The following FCRL5 variants were observed in gnomAD, a reference collection of about 807,000 sequenced individuals.
FCRL5 encodes the protein Fc receptor-like protein 5.
FCRL5 carries 79 observed loss-of-function variants against 92.1 expected under a neutral mutation model. The ratio of observed to expected loss-of-function variants is 0.86; its 90% CI spans 0.72 to 1.03. FCRL5 has a LOEUF of 1.03. Ranked by LOEUF, FCRL5 falls within the 50% of genes least tolerant of loss-of-function variation. FCRL5 has a pLI of 0.00. For missense variants in FCRL5, 1,160 were observed against 1,181.1 expected (o/e 0.98, Z 0.26); for synonymous variants, 466 against 469.3 (o/e 0.99, Z 0.09).
chr1:157,517,049 G>A (rs187751526), intron 15 of FCRL5, among the ~76,000 whole-genome samples: 5 of 152,330 alleles, frequency 3.3e-5, no homozygotes, highest in Admixed American at 3.3e-4. Context: ...GAAGCACACT[G>A]GCTAAAATCA....
At chr1:157,544,719 T>C (rs913953606) in intron 4 of FCRL5, 112 bp downstream of exon 4, 3 of 1,465,854 alleles carry the variant, frequency 2.0e-6, no homozygotes, top group African/African-American at 2.8e-5. Context: ...TGCAGGAATG[T>C]GTCCTGTGGT....
chr1:157,538,450 C>CT (rs1491349435), intron 7 of FCRL5, among the ~76,000 whole-genome samples: 1 of 152,126 alleles, frequency 6.6e-6, no homozygotes, highest in African/African-American at 2.4e-5. Flanking sequence ...CAAAGGAAAC[C>CT]TTTTTGATGT....
Position 157,527,792 on chromosome 1 carries a change from T to G in FCRL5, c.1785A>C (p.Pro595=), listed in dbSNP as rs767601836. Residue 595 remains proline, a synonymous_variant, in exon 9 of 17, where the codon CCA becomes CCC. Coordinates refer to ENST00000361835, the MANE Select transcript of FCRL5 (RefSeq NM_031281.3). ...LHCEAPRGSP[P]ILYWFYHEDV... Reference sequence around the variant, plus strand: ...CCTCATGATAAAACCAGTACAGGATTGGGGGAGAGCCTCTCGGGGCCTCAC... The same window carrying G: ...CCTCATGATAAAACCAGTACAGGATGGGGGGAGAGCCTCTCGGGGCCTCAC... 1 of 1,613,934 alleles carries G rather than the reference T, an allele frequency of 6.2e-7. No individual in the cohort carries two copies. The highest frequency in any genetic ancestry group is 8.5e-7 in the Non-Finnish European group (1 of 1,179,922).
intron 8 of FCRL5, among the ~76,000 whole-genome samples, chr1:157,531,043 CTT>C (rs886440218): frequency 2.0e-5 from 3 of 152,068 alleles, no homozygotes; most frequent in Non-Finnish European, 4.4e-5. Flanking sequence ...AAAAAGACAA[CTT>C]ATAGAATGGG....
rs750701176 is a variant in FCRL5, at chr1:157,519,753, C to G, written c.2650G>C (p.Asp884His). 2 of 1,614,030 alleles carry G rather than the reference C, an allele frequency of 1.2e-6. No homozygotes were observed. The highest frequency in any genetic ancestry group is 2.7e-5 in the African/African-American group (2 of 75,030). Residue 884 changes from aspartate to histidine, a missense_variant, in exon 13 of 17, where the codon GAC becomes CAC. Coordinates refer to ENST00000361835, the MANE Select transcript of FCRL5 (RefSeq NM_031281.3). The stretch of plus-strand genomic sequence containing the variant: ...CAGCTCAGCTCTTACCTGGCGGGGT[C>G]AGAGGCAGGCTTTCTCCCTGTAAAG... ...SRKAGRKPAS[D>H]PARSPSDSDS...
chr1:157,528,007 A>G (rs2101611375), intron 8 of FCRL5, 112 bp from the exon 9 acceptor site: 7 of 1,242,602 alleles, frequency 5.6e-6, no homozygotes, highest in Non-Finnish European at 7.6e-6. Flanking sequence ...CCAAATTGGT[A>G]AAGAGGAAGA....
intron 10 of FCRL5, chr1:157,523,895 G>C (rs1412330): frequency 0.77 from 222,808 of 288,440 alleles, 90,267 homozygotes; most frequent in South Asian, 0.86. Flanking sequence ...GTAGAGGCTT[G>C]TTAGAAGTCA....
At chr1:157,550,336 TATG>T in intron 1 of FCRL5, among the ~76,000 whole-genome samples, 1 of 152,222 alleles carries the variant, frequency 6.6e-6, no homozygotes, top group Non-Finnish European at 1.5e-5. Flanking sequence ...AATGGGACAA[TATG>T]AAGCAGGGAG....
intron 10 of FCRL5, chr1:157,522,601 A>C (rs1650249621): frequency 6.6e-6 from 1 of 152,236 alleles, no homozygotes; most frequent in Admixed American, 6.5e-5. Context: ...GTGAGTGTTG[A>C]TGATGATGAC....
chr1:157,520,677 G>T (rs1323871198), intron 11 of FCRL5, 130 bp from the exon 12 acceptor site: 45 of 670,344 alleles, frequency 6.7e-5, no homozygotes, highest in Admixed American at 1.7e-4. Context: ...GCAGGGGCTG[G>T]TGTGGCACAG....
intron 6 of FCRL5, 143 bp from the exon 7 acceptor site, chr1:157,539,507 T>C (rs1163897427): frequency 1.4e-6 from 1 of 715,938 alleles, no homozygotes; most frequent in Admixed American, 3.1e-5. Context: ...AACCTGCTTT[T>C]TATTTTATTC....
At chr1:157,524,717 T>C (rs1404208503) in intron 9 of FCRL5, among the ~76,000 whole-genome samples, 160 bp from the exon 10 acceptor site, 1 of 152,196 alleles carries the variant, frequency 6.6e-6, no homozygotes, top group East Asian at 1.9e-4. Flanking sequence ...AAGAACAACA[T>C]TTGTGTAGTG....
chr1:157,524,504 C>A lies in FCRL5; in HGVS notation c.2014G>T (p.Val672Leu). The change falls in exon 10 of 17, where the codon GTG (valine) becomes TTG (leucine). Residue 672 changes from valine (V) to leucine (L), a missense_variant. By Grantham distance (32) the Val-to-Leu change is conservative (BLOSUM62 1). Transcript: ENST00000361835. ...CAGTGAAGCTCCAGCAGGTCCCCCA[C>A]CACAGCCTGGGCCCTGGGAGCCCTG... is the stretch of plus-strand genomic sequence containing the variant. ...TFRAPRAQAV[V>L]GDLLELHCEA... is the part of the protein sequence containing the mutation. The A allele has an allele frequency of 6.2e-7, 1 of 1,613,994 alleles. No homozygotes were observed. The highest frequency in any genetic ancestry group is 8.5e-7 in the Non-Finnish European group (1 of 1,179,862).
chr1:157,549,219 G>A (rs1651696525), intron 2 of FCRL5, among the ~76,000 whole-genome samples: 1 of 147,258 alleles, frequency 6.8e-6, no homozygotes, highest in Non-Finnish European at 1.5e-5. Context: ...CTCACTCATA[G>A]GTGGGAATTG....
At chr1:157,526,485 C>T (rs1253796548) in intron 9 of FCRL5, among the ~76,000 whole-genome samples, 2 of 151,952 alleles carry the variant, frequency 1.3e-5, no homozygotes, top group Non-Finnish European at 2.9e-5. Flanking sequence ...AGAGATATAC[C>T]ATGTTACGTG....
chr1:157,525,075 G>C (rs948646368), intron 9 of FCRL5, among the ~76,000 whole-genome samples: 6 of 152,138 alleles, frequency 3.9e-5, no homozygotes, highest in Non-Finnish European at 7.3e-5. Context: ...TCCCAAGAAT[G>C]GCATGACATG....
intron 1 of FCRL5, among the ~76,000 whole-genome samples, chr1:157,551,136 A>T (rs1487547747): frequency 6.6e-6 from 1 of 152,232 alleles, no homozygotes; most frequent in African/African-American, 2.4e-5. Context: ...TAACCATGTC[A>T]ATAATCCTGT....
At chr1:157,516,110 C>T (rs1649921636) in intron 15 of FCRL5, 7 of 613,666 alleles carry the variant, frequency 1.1e-5, no homozygotes, top group African/African-American at 1.8e-5. Context: ...CCACTCTGAG[C>T]TGCCTAGAGG....
At chr1:157,517,615 G>A (rs1649987690) in intron 15 of FCRL5, among the ~76,000 whole-genome samples, 3 of 152,122 alleles carry the variant, frequency 2.0e-5, no homozygotes, top group Admixed American at 2.0e-4. Context: ...AAGTGGATGG[G>A]CCTCCAGGGA....
Sources: gnomAD v4.1 joint callset for allele counts (sites outside exome capture counted in the v4.1 genomes callset) on GRCh38, gnomAD v4.1.1 for gene constraint, MANE v1.5 for transcripts, NCBI Gene and HGNC (gene_info 2026-07-23, HGNC 2026-07-21) for gene names.